CHST11: variants seen among roughly 807,000 people sequenced by gnomAD.
The protein encoded by CHST11 is carbohydrate sulfotransferase 11, also known as C4S-1.
Under a neutral mutation model 30.4 loss-of-function variants are expected in CHST11, and 9 were observed. That is an observed-to-expected ratio of 0.30 (90% CI 0.18 to 0.52). CHST11 has a LOEUF of 0.52. Ranked by LOEUF, CHST11 falls within the 20% of genes least tolerant of loss-of-function variation. The probability of loss-of-function intolerance (pLI) is 0.97; values close to 1 mark genes in which losing one functional copy is unlikely to be tolerated. For synonymous variants in CHST11, 152 were observed against 187.8 expected (o/e 0.81, Z 1.56); for missense variants, 348 against 460.6 (o/e 0.76, Z 2.24).
chr12:104,515,001 G>T (rs2038007824), intron 1 of CHST11, among the ~76,000 whole-genome samples: 1 of 152,122 alleles, frequency 6.6e-6, no homozygotes, highest in African/African-American at 2.4e-5. Context: ...AAGGACTCTG[G>T]GTCGTTTTAA....
At chr12:104,622,257 A>G (rs981436129) in intron 2 of CHST11, among the ~76,000 whole-genome samples, 5 of 152,174 alleles carry the variant, frequency 3.3e-5, no homozygotes, top group African/African-American at 9.7e-5. Flanking sequence ...CCACACATTC[A>G]ACGTGAAATT....
chr12:104,521,113 A>C (rs1395073616), intron 1 of CHST11, among the ~76,000 whole-genome samples: 1 of 152,228 alleles, frequency 6.6e-6, no homozygotes, highest in Non-Finnish European at 1.5e-5. Context: ...GTTGCTCAAT[A>C]CATATTTGTA....
chr12:104,746,616 T>C (rs953231353), intron 2 of CHST11, among the ~76,000 whole-genome samples: 1 of 152,210 alleles, frequency 6.6e-6, no homozygotes, highest in Non-Finnish European at 1.5e-5. Context: ...AAGGCAAAGC[T>C]TCTGCAGAGA....
At chr12:104,755,909 G>T (rs1403267698) in intron 2 of CHST11, among the ~76,000 whole-genome samples, 1 of 68,164 alleles carries the variant, frequency 1.5e-5, no homozygotes, top group Non-Finnish European at 2.8e-5. Context: ...TGGTTTCTCG[G>T]GACCCCCCCC....
chr12:104,756,163 A>G lies in CHST11; in HGVS notation c.205-786A>G, dbSNP rs148436944. ...TTATATAAAAGAAGGACCATACTGA[A>G]CTTTCATGAGTGGTGGTGGAGGTAA... On this transcript the variant is annotated intron_variant, in intron 2 of 2. Coordinates refer to ENST00000303694, the MANE Select transcript of CHST11 (RefSeq NM_018413.6). Among the ~76,000 whole-genome samples, 141 of 152,312 alleles carry G rather than the reference A, an allele frequency of 9.3e-4. 1 individual carries two copies. Among genetic ancestry groups the G allele is most frequent in the Admixed American group, 1.6e-3 (24 of 15,310 alleles).
chr12:104,671,691 C>T (rs2136095990), intron 2 of CHST11, among the ~76,000 whole-genome samples: 1 of 152,302 alleles, frequency 6.6e-6, no homozygotes, highest in Non-Finnish European at 1.5e-5. Flanking sequence ...GAAAGTCCCC[C>T]TTGAACTTAT....
At chr12:104,680,449 G>C (rs896377620) in intron 2 of CHST11, among the ~76,000 whole-genome samples, 4 of 152,200 alleles carry the variant, frequency 2.6e-5, no homozygotes, top group African/African-American at 9.7e-5. Flanking sequence ...CATGTGGCCA[G>C]GCAGGCACAC....
intron 2 of CHST11, among the ~76,000 whole-genome samples, chr12:104,658,300 A>G (rs925246686): frequency 6.6e-6 from 1 of 152,208 alleles, no homozygotes; most frequent in African/African-American, 2.4e-5. Context: ...AGGCCATGAG[A>G]GAAGGGGCTG....
At chr12:104,569,770 G>A (rs1390441936) in intron 1 of CHST11, among the ~76,000 whole-genome samples, 1 of 152,238 alleles carries the variant, frequency 6.6e-6, no homozygotes, top group Non-Finnish European at 1.5e-5. Context: ...TGATGTTGGT[G>A]CAGGTGGTAT....
At chr12:104,695,475 ATG>A (rs1355208946) in intron 2 of CHST11, among the ~76,000 whole-genome samples, 3 of 144,038 alleles carry the variant, frequency 2.1e-5, no homozygotes, top group South Asian at 4.5e-4. Context: ...GTGTGTGTGT[ATG>A]TGTCCTTGTG....
intron 1 of CHST11, among the ~76,000 whole-genome samples, chr12:104,579,716 A>G (rs2038721169): frequency 6.6e-6 from 1 of 152,186 alleles, no homozygotes; most frequent in Non-Finnish European, 1.5e-5. Context: ...ACATCCACAC[A>G]TTGCCTGCTT....
At chr12:104,505,427 A>C (rs981539148) in intron 1 of CHST11, among the ~76,000 whole-genome samples, 1 of 152,042 alleles carries the variant, frequency 6.6e-6, no homozygotes, top group Non-Finnish European at 1.5e-5. Flanking sequence ...ACTTAACTGC[A>C]CTCACTGGGT....
chr12:104,593,289 T>C (rs1286437940), intron 1 of CHST11, among the ~76,000 whole-genome samples: 3 of 152,156 alleles, frequency 2.0e-5, no homozygotes, highest in South Asian at 2.1e-4. Flanking sequence ...CTCAGTATTC[T>C]TCAGTGAATT....
chr12:104,743,928 A>T (rs999122107), intron 2 of CHST11, among the ~76,000 whole-genome samples: 1 of 93,582 alleles, frequency 1.1e-5, no homozygotes, highest in African/African-American at 5.3e-5. Context: ...GTCCCAGCAG[A>T]GGACATGATC....
intron 2 of CHST11, among the ~76,000 whole-genome samples, chr12:104,752,726 G>A (rs1290660839): frequency 3.3e-5 from 5 of 151,954 alleles, no homozygotes; most frequent in African/African-American, 1.2e-4. Context: ...ATGGGGTTTC[G>A]CCATGTTGGC....
chr12:104,561,757 C>T (rs971233441), intron 1 of CHST11, among the ~76,000 whole-genome samples: 1 of 151,780 alleles, frequency 6.6e-6, no homozygotes, highest in Non-Finnish European at 1.5e-5. Context: ...TTAATCCTCA[C>T]AACGGTCTTA....
chr12:104,594,633 T>C (rs2038890913), intron 1 of CHST11, among the ~76,000 whole-genome samples: 1 of 152,128 alleles, frequency 6.6e-6, no homozygotes, highest in Non-Finnish European at 1.5e-5. Flanking sequence ...AACAATGCAC[T>C]TGGGTTCTAA....
intron 2 of CHST11, among the ~76,000 whole-genome samples, chr12:104,645,911 G>A (rs906519415): frequency 1.2e-4 from 19 of 152,264 alleles, no homozygotes; most frequent in African/African-American, 4.3e-4. Context: ...CACCAGCTCT[G>A]CCTGTCATGA....
At chr12:104,692,153 G>C (rs1451555945) in intron 2 of CHST11, among the ~76,000 whole-genome samples, 1 of 152,224 alleles carries the variant, frequency 6.6e-6, no homozygotes, top group African/African-American at 2.4e-5. Flanking sequence ...TTCCCCCAAA[G>C]CAGCTCCTGT....
Sources: allele counts gnomAD v4.1 joint callset (sites outside exome capture counted in the v4.1 genomes callset), GRCh38; gene constraint gnomAD v4.1.1; transcripts MANE v1.5; gene names NCBI Gene and HGNC (gene_info 2026-07-23, HGNC 2026-07-21).